UQCRQ: variants seen among roughly 807,000 people sequenced by gnomAD.
UQCRQ encodes the protein cytochrome b-c1 complex subunit 8.
In UQCRQ, 9 loss-of-function variants were observed where a neutral mutation model predicts 7.9. The observed-to-expected ratio is 1.13, with a 90% CI of 0.68 to 1.98. The LOEUF (loss-of-function observed/expected upper bound fraction) is 1.98, where lower values mean the gene tolerates loss of function less well. Among genes scored for constraint, UQCRQ ranks in the 30% most tolerant of loss-of-function variants. The pLI, the probability that UQCRQ is intolerant of heterozygous loss-of-function variation, is 0.00. For missense variants in UQCRQ, 112 were observed against 109.7 expected (o/e 1.02, Z -0.10); for synonymous variants, 50 against 41.9 (o/e 1.19, Z -0.75).
At chr5:132,867,186 C>G in intron 2 of UQCRQ, 151 bp downstream of exon 2, 1 of 1,051,548 alleles carries the variant, frequency 9.5e-7, no homozygotes, top group Non-Finnish European at 1.4e-6. Context: ...CGCCCTTAAG[C>G]TGGTCATATT....
intron 2 of UQCRQ, 61 bp from the exon 3 acceptor site, chr5:132,867,426 CT>C (rs957944716): frequency 2.2e-4 from 302 of 1,348,260 alleles, no homozygotes; most frequent in East Asian, 2.4e-4. Flanking sequence ...GGACTGAGAC[CT>C]TTTTTTTTCT....
intron 2 of UQCRQ, 87 bp downstream of exon 2, chr5:132,867,122 G>C (rs1335399121): frequency 9.0e-6 from 14 of 1,562,056 alleles, no homozygotes; most frequent in Non-Finnish European, 1.2e-5. Flanking sequence ...GCTGGCGGCC[G>C]GGCAGGCGCT....
rs1392129460 is a variant in UQCRQ at position 132,866,987 on chromosome 5, C to T, written c.106C>T (p.Pro36Ser). 1 of 1,614,106 alleles carries T rather than the reference C, an allele frequency of 6.2e-7. No individual in the cohort carries two copies. Among genetic ancestry groups the T allele is most frequent in the East Asian group, 2.2e-5 (1 of 44,886 alleles). ...TCCGCACGTCTTCACTAAAGGAATC[C>T]CCAATGTTCTGCGCCGCATTCGGGA... is the stretch of plus-strand genomic sequence containing the variant. ...AYPHVFTKGI[P>S]NVLRRIRESF... The change falls in exon 2 of 3, where the codon CCC (proline) becomes TCC (serine). Residue 36 changes from proline (P) to serine (S), a missense_variant. Pro to Ser is a moderately conservative substitution (Grantham distance 74). Transcript: ENST00000378670.
chr5:132,867,024 G>A lies in UQCRQ; in HGVS notation c.143G>A (p.Arg48His). The change falls in exon 2 of 3, where the codon CGC (arginine) becomes CAC (histidine). Residue 48 changes from arginine to histidine, a missense_variant. Arg to His is a conservative substitution (Grantham distance 29). Coordinates refer to ENST00000378670, the MANE Select transcript of UQCRQ (RefSeq NM_014402.5). Reference protein sequence around the residue: ...VLRRIRESFFRVVPQFVVFYL... With the variant: ...VLRRIRESFFHVVPQFVVFYL... ...CGCCGCATTCGGGAGTCTTTCTTTC[G>A]CGTGGTGCCGCGTGAGTGCCTTGGG... The A allele has an allele frequency of 6.2e-7, 1 of 1,613,854 alleles. No individual in the cohort carries two copies. Among genetic ancestry groups the A allele is most frequent in the Non-Finnish European group, 8.5e-7 (1 of 1,179,924 alleles).
chr5:132,866,748 G>A (rs918123881), intron 1 of UQCRQ, 61 bp downstream of exon 1: 5 of 1,320,014 alleles, frequency 3.8e-6, no homozygotes, highest in South Asian at 1.3e-5. Flanking sequence ...GGGGCGCCCC[G>A]CTGGGCTGGG....
rs1581255132 is a variant in UQCRQ, at chr5:132,866,724, A to G, written c.-14+37A>G. 1.6e-5 allele frequency: 15 copies of G among 962,654 alleles called. 1 individual carries two copies. The South Asian group carries it at 1.7e-4, about 11-fold the overall frequency. 59.6% of individuals were successfully genotyped at this position (962,654 alleles called of 1,614,324 possible). ...GGGTCTGGTTGTGCAGTGTTCGTGGACCCTGGGAGGCTAGGGGCGCCCCGC... is the reference window on the plus strand; with the variant it reads ...GGGTCTGGTTGTGCAGTGTTCGTGGGCCCTGGGAGGCTAGGGGCGCCCCGC... On this transcript the variant is annotated intron_variant, in intron 1 of 2. Transcript: ENST00000378670.
At position 132,866,665 on chromosome 5, in the gene UQCRQ, C is replaced by G; in HGVS notation, c.-36C>G. 1 of 614,594 alleles carries G rather than the reference C, an allele frequency of 1.6e-6. No individual in the cohort carries two copies. The highest frequency in any genetic ancestry group is 2.8e-6 in the Non-Finnish European group (1 of 352,182). 38.1% of individuals were successfully genotyped at this position (614,594 alleles called of 1,614,324 possible). On this transcript the variant is annotated 5_prime_UTR_variant, in exon 1 of 3. Transcript: ENST00000378670. ...ACGAACGAGTCAACCGGATCGGTGA[C>G]TGTGGAGGGCGAGCTGAGCCCTGTG... is the stretch of plus-strand genomic sequence containing the variant.
Position 132,868,181 on chromosome 5 carries a change from T to C in UQCRQ, c.*599T>C, listed in dbSNP as rs922437089. 3 of 159,612 alleles carry C rather than the reference T, an allele frequency of 1.9e-5. No homozygotes were observed. The highest frequency in any genetic ancestry group is 7.2e-5 in the African/African-American group (3 of 41,496). 9.9% of individuals were successfully genotyped at this position (159,612 alleles called of 1,614,324 possible). On this transcript the variant is annotated 3_prime_UTR_variant, in exon 3 of 3. Transcript: ENST00000378670. ...TTTTTAGTAGAGACAGGTTTCACCATGTTGGCCAGGCTGGTCTGGAACTCC... is the reference window on the plus strand; with the variant it reads ...TTTTTAGTAGAGACAGGTTTCACCACGTTGGCCAGGCTGGTCTGGAACTCC...
chr5:132,867,293 C>T (rs1581255926), intron 2 of UQCRQ, 195 bp from the exon 3 acceptor site: 1 of 700,190 alleles, frequency 1.4e-6, no homozygotes, highest in East Asian at 2.7e-5. Flanking sequence ...CTGAGGTCAC[C>T]TTTATTTAGT....
intron 2 of UQCRQ, 44 bp from the exon 3 acceptor site, chr5:132,867,444 T>G: frequency 2.0e-6 from 3 of 1,500,828 alleles, no homozygotes; most frequent in Non-Finnish European, 2.8e-6. Context: ...TTCTTCTATA[T>G]GTCTTATATG....
At position 132,867,774 on chromosome 5, in the gene UQCRQ, T is replaced by A. The variant is rs1759676698; in HGVS notation, c.*192T>A. ...GAAGCGCCCCTCCTCAGCATGAGTC[T>A]TGAAGTTTTGCCTGGTCTCGGGTTT... On this transcript the variant is annotated 3_prime_UTR_variant, in exon 3 of 3. Coordinates refer to ENST00000378670, the MANE Select transcript of UQCRQ (RefSeq NM_014402.5). 1.7e-6 allele frequency: 1 copy of A among 597,030 alleles called. No homozygotes were observed. The highest frequency in any genetic ancestry group is 1.9e-5 in the African/African-American group (1 of 53,882). The allele number at this position is 597,030 out of a possible 1,614,324, so 37.0% of individuals were successfully genotyped here.
intron 2 of UQCRQ, 178 bp from the exon 3 acceptor site, chr5:132,867,310 C>A (rs1759657493): frequency 2.8e-6 from 2 of 709,242 alleles, no homozygotes; most frequent in Non-Finnish European, 4.8e-6. Context: ...TAGTTCTTAC[C>A]AGTGGTGAAA....
At chr5:132,867,460 T>C in intron 2 of UQCRQ, 28 bp from the exon 3 acceptor site, 2 of 1,575,484 alleles carry the variant, frequency 1.3e-6, no homozygotes, top group Non-Finnish European at 1.7e-6. Context: ...ATATGTGTGC[T>C]CTCTGTTTAC....
At position 132,868,063 on chromosome 5, in the gene UQCRQ, C is replaced by T. The variant is rs1191282139; in HGVS notation, c.*481C>T. On this transcript the variant is annotated 3_prime_UTR_variant, in exon 3 of 3. Coordinates refer to ENST00000378670, the MANE Select transcript of UQCRQ (RefSeq NM_014402.5). ...TGGTGTGATCTCGGCTCACTGCCATCTGTGCCTCCTGGGTTCAAACGATTC... is the reference window on the plus strand; with the variant it reads ...TGGTGTGATCTCGGCTCACTGCCATTTGTGCCTCCTGGGTTCAAACGATTC... 1.7e-5 allele frequency: 3 copies of T among 174,530 alleles called. No individual in the cohort carries two copies. The highest frequency in any genetic ancestry group is 3.7e-5 in the Non-Finnish European group (3 of 80,382). The allele number at this position is 174,530 out of a possible 1,614,324, so 10.8% of individuals were successfully genotyped here.
rs1046507221 is a variant in UQCRQ at position 132,867,347 on chromosome 5, A to G, written c.155-141A>G. The G allele has an allele frequency of 1.3e-5, 10 of 752,164 alleles. No homozygotes were observed. The East Asian group carries it at 2.7e-4, about 20-fold the overall frequency. The allele number at this position is 752,164 out of a possible 1,614,324, so 46.6% of individuals were successfully genotyped here. A position where few individuals can be genotyped will look rare whatever the true frequency, so the allele number is the denominator to read the frequency against. ...GCTTTGTGTTAAACGTGCAGCAGAT[A>G]GTGATGATAGTTGCATGGCCTTGGA... On this transcript the variant is annotated intron_variant, in intron 2 of 2. Coordinates refer to ENST00000378670, the MANE Select transcript of UQCRQ (RefSeq NM_014402.5).
Position 132,867,038 on chromosome 5 carries a change from G to A in UQCRQ, c.154+3G>A. 6.2e-7 allele frequency: 1 copy of A among 1,613,748 alleles called. No homozygotes were observed. Among genetic ancestry groups the A allele is most frequent in the Non-Finnish European group, 8.5e-7 (1 of 1,179,896 alleles). On this transcript the variant is annotated splice_donor_region_variant and intron_variant, in intron 2 of 2. Coordinates refer to ENST00000378670, the MANE Select transcript of UQCRQ (RefSeq NM_014402.5). The stretch of plus-strand genomic sequence containing the variant: ...GTCTTTCTTTCGCGTGGTGCCGCGT[G>A]AGTGCCTTGGGCCCGCGGGAGCGGG...
rs929366770 is a variant in UQCRQ, at chr5:132,867,335, C to T, written c.155-153C>T. ...CAGTGGTGAAATGCTTTGTGTTAAA[C>T]GTGCAGCAGATAGTGATGATAGTTG... On this transcript the variant is annotated intron_variant, in intron 2 of 2. Transcript: ENST00000378670. 16 of 736,624 alleles carry T rather than the reference C, an allele frequency of 2.2e-5. No individual in the cohort carries two copies. The African/African-American group carries it at 2.7e-4, about 12-fold the overall frequency. 45.6% of individuals were successfully genotyped at this position (736,624 alleles called of 1,614,324 possible).
At chr5:132,866,755 T>A in intron 1 of UQCRQ, 68 bp downstream of exon 1, 1 of 1,368,182 alleles carries the variant, frequency 7.3e-7, no homozygotes, top group South Asian at 1.3e-5. Context: ...CCCGCTGGGC[T>A]GGGAAAGGAT....
Position 132,867,557 on chromosome 5 carries a change from C to A in UQCRQ, c.224C>A (p.Pro75Gln). The change falls in exon 3 of 3, where the codon CCA becomes CAA. Residue 75 changes from proline to glutamine, a missense_variant. Coordinates refer to ENST00000378670, the MANE Select transcript of UQCRQ (RefSeq NM_014402.5). ...EEFERSKRKN[P>Q]AAYENDK Reference sequence around the variant, plus strand: ...TTCGAGAGATCCAAGAGGAAGAATCCAGCTGCCTATGAAAATGACAAATGA... The same window carrying A: ...TTCGAGAGATCCAAGAGGAAGAATCAAGCTGCCTATGAAAATGACAAATGA... The A allele has an allele frequency of 6.2e-7, 1 of 1,614,080 alleles. No individual in the cohort carries two copies. The highest frequency in any genetic ancestry group is 1.1e-5 in the South Asian group (1 of 91,078).
Sources: allele counts gnomAD v4.1 joint callset, GRCh38; gene constraint gnomAD v4.1.1; transcripts MANE v1.5; gene names NCBI Gene and HGNC (gene_info 2026-07-23, HGNC 2026-07-21).